The following CDC40 variants were observed in gnomAD, a reference collection of about 807,000 sequenced individuals.
The protein encoded by CDC40 is pre-mRNA-processing factor 17.
Under a neutral mutation model 80.6 loss-of-function variants are expected in CDC40, and 27 were observed. The observed-to-expected ratio is 0.33, with a 90% CI of 0.25 to 0.46. The LOEUF is 0.46. Ranked by LOEUF, CDC40 falls within the 20% of genes least tolerant of loss-of-function variation. CDC40 has a pLI of 1.00. For missense variants in CDC40, 486 were observed against 694.1 expected (o/e 0.70, Z 3.37); for synonymous variants, 221 against 232.6 (o/e 0.95, Z 0.45).
rs1364723427 is a variant in CDC40, at chr6:110,216,420, C to T, written c.988+1089C>T. On this transcript the variant is annotated intron_variant, in intron 9 of 14. Coordinates refer to ENST00000307731, the MANE Select transcript of CDC40 (RefSeq NM_015891.3). Reference sequence around the variant, plus strand: ...AAATTAATACTGCCTAAGATGTCACCGCAGCCTAAAGGAAGACTTGTGGAA... The same window carrying T: ...AAATTAATACTGCCTAAGATGTCACTGCAGCCTAAAGGAAGACTTGTGGAA... 6.6e-5 allele frequency among the ~76,000 whole-genome samples: 10 copies of T among 152,254 alleles called. No individual in the cohort carries two copies. In the South Asian group the frequency reaches 2.1e-3, roughly 32 times the overall value.
intron 2 of CDC40, among the ~76,000 whole-genome samples, chr6:110,199,995 A>T (rs1562201999): frequency 6.6e-6 from 1 of 152,214 alleles, no homozygotes; most frequent in East Asian, 1.9e-4. Flanking sequence ...AATGAAGTTG[A>T]CTGCTACTTC....
chr6:110,209,435 CTT>C, intron 5 of CDC40: 1 of 431,632 alleles, frequency 2.3e-6, no homozygotes, highest in Non-Finnish European at 4.2e-6. Flanking sequence ...TTCTCTCATG[CTT>C]TTTTATTAAA....
intron 12 of CDC40, among the ~76,000 whole-genome samples, chr6:110,222,121 G>C (rs945270399): frequency 1.3e-5 from 2 of 151,982 alleles, no homozygotes; most frequent in Admixed American, 1.3e-4. Flanking sequence ...CTAGTGTGGT[G>C]GCACAGGCCT....
intron 2 of CDC40, among the ~76,000 whole-genome samples, chr6:110,197,928 G>C (rs1777439643): frequency 1.3e-5 from 2 of 152,002 alleles, no homozygotes; most frequent in Admixed American, 1.3e-4. Flanking sequence ...AAAATTGCTG[G>C]GGTCATATGG....
chr6:110,221,865 C>CT lies in CDC40; in HGVS notation c.1340+2013dup, dbSNP rs200106149. Among the ~76,000 whole-genome samples, 949 of 121,238 alleles carry CT rather than the reference C, an allele frequency of 7.8e-3. 7 individuals carry two copies. Among genetic ancestry groups the CT allele is most frequent in the East Asian group, 0.049 (207 of 4,266 alleles). 79.5% of individuals were successfully genotyped at this position (121,238 alleles called of 152,430 possible). ...ACTAGCAGATAATGTTAGTATGTTT[C>CT]TTTTTTTTTTTTTTTTTCATTTCCT... On this transcript the variant is annotated intron_variant, in intron 12 of 14. Coordinates refer to ENST00000307731, the MANE Select transcript of CDC40 (RefSeq NM_015891.3).
At chr6:110,209,043 ATCTC>A in intron 4 of CDC40, 37 bp from the exon 5 acceptor site, 1 of 1,184,188 alleles carries the variant, frequency 8.4e-7, no homozygotes, top group South Asian at 1.5e-5. Flanking sequence ...CATCTTTGTA[ATCTC>A]TCAGTTTTTT....
chr6:110,196,079 A>G (rs145612002), intron 2 of CDC40, among the ~76,000 whole-genome samples: 1 of 152,326 alleles, frequency 6.6e-6, no homozygotes, highest in East Asian at 1.9e-4. Context: ...CATCTCCTTC[A>G]GTCCTCACTA....
At chr6:110,209,317 C>G (rs1045861511) in intron 5 of CDC40, 94 bp downstream of exon 5, 1 of 1,095,358 alleles carries the variant, frequency 9.1e-7, no homozygotes, top group Non-Finnish European at 1.3e-6. Context: ...CTTTAGAGAA[C>G]CAAATGACTC....
At chr6:110,197,541 G>T (rs955922594) in intron 2 of CDC40, among the ~76,000 whole-genome samples, 4 of 151,954 alleles carry the variant, frequency 2.6e-5, no homozygotes, top group African/African-American at 4.8e-5. Context: ...CCTCCTAATT[G>T]AAATTGTACA....
Position 110,219,486 on chromosome 6 carries a change from C to A in CDC40, c.1206+7C>A, listed in dbSNP as rs1777741165. Reference sequence around the variant, plus strand: ...TGATAAGAAGATTGTGCAAGTAAGTCTTTCACAGTATTTTGTTAAGACTCC... The same window carrying A: ...TGATAAGAAGATTGTGCAAGTAAGTATTTCACAGTATTTTGTTAAGACTCC... On this transcript the variant is annotated splice_region_variant and intron_variant, in intron 11 of 14. Coordinates refer to ENST00000307731, the MANE Select transcript of CDC40 (RefSeq NM_015891.3). The A allele has an allele frequency of 5.4e-6, 8 of 1,483,436 alleles. No individual in the cohort carries two copies. In the East Asian group the frequency reaches 1.1e-4, roughly 21 times the overall value. 91.9% of individuals were successfully genotyped at this position (1,483,436 alleles called of 1,614,324 possible). A position where few individuals can be genotyped will look rare whatever the true frequency, so the allele number is the denominator to read the frequency against.
At chr6:110,183,637 A>C (rs1160084458) in intron 1 of CDC40, among the ~76,000 whole-genome samples, 1 of 152,206 alleles carries the variant, frequency 6.6e-6, no homozygotes, top group East Asian at 1.9e-4. Context: ...AAATATAATG[A>C]TTGCAAATGA....
rs150965916 is a variant in CDC40, at chr6:110,194,885, A to G, written c.276+1617A>G. 9.8e-5 allele frequency among the ~76,000 whole-genome samples: 15 copies of G among 152,314 alleles called. No individual in the cohort carries two copies. In the East Asian group the frequency reaches 2.9e-3, roughly 29 times the overall value. On this transcript the variant is annotated intron_variant, in intron 2 of 14. Coordinates refer to ENST00000307731, the MANE Select transcript of CDC40 (RefSeq NM_015891.3). ...TACATTGCTGTGTAATTAGTTTCCAAACTTTCAAGAAAAATTTAAAAGACC... is the reference window on the plus strand; with the variant it reads ...TACATTGCTGTGTAATTAGTTTCCAGACTTTCAAGAAAAATTTAAAAGACC...
At chr6:110,207,693 TTTTTTTTA>T in intron 4 of CDC40, 104 bp downstream of exon 4, 1 of 671,992 alleles carries the variant, frequency 1.5e-6, no homozygotes, top group Non-Finnish European at 2.7e-6. Context: ...TTTAGCGCTT[TTTTTTTTA>T]AAGTTGAAAC....
chr6:110,229,028 CTGT>C (rs751256485), intron 14 of CDC40, 52 bp downstream of exon 14: 10 of 1,391,926 alleles, frequency 7.2e-6, no homozygotes, highest in Middle Eastern at 1.9e-4. Flanking sequence ...ATTATATAAA[CTGT>C]TGTTGTACAA....
intron 2 of CDC40, among the ~76,000 whole-genome samples, chr6:110,198,545 A>T (rs1777449495): frequency 6.6e-6 from 1 of 152,056 alleles, no homozygotes. Context: ...TTTTTAATTG[A>T]GTTATTTATT....
intron 4 of CDC40, among the ~76,000 whole-genome samples, chr6:110,207,800 A>G (rs28450902): frequency 1.9e-3 from 288 of 152,332 alleles, no homozygotes; most frequent in African/African-American, 6.4e-3. Context: ...GGAATCTTGT[A>G]GGGAAAATAA....
intron 12 of CDC40, among the ~76,000 whole-genome samples, chr6:110,224,104 T>TA (rs1406982885): frequency 6.6e-6 from 1 of 152,172 alleles, no homozygotes; most frequent in Non-Finnish European, 1.5e-5. Flanking sequence ...GTGCTGGGAT[T>TA]ACACTGCACC....
At chr6:110,226,860 A>C (rs1777868999) in intron 13 of CDC40, among the ~76,000 whole-genome samples, 1 of 152,138 alleles carries the variant, frequency 6.6e-6, no homozygotes, top group Non-Finnish European at 1.5e-5. Flanking sequence ...CTACAAAATA[A>C]AATTTTAAAA....
At chr6:110,224,742 A>G (rs184203052) in intron 12 of CDC40, among the ~76,000 whole-genome samples, 3 of 152,356 alleles carry the variant, frequency 2.0e-5, no homozygotes, top group Non-Finnish European at 4.4e-5. Flanking sequence ...GCTAGAAATA[A>G]TGAAGTCCAC....
Sources: allele counts gnomAD v4.1 joint callset (sites outside exome capture counted in the v4.1 genomes callset), GRCh38; gene constraint gnomAD v4.1.1; transcripts MANE v1.5; gene names NCBI Gene and HGNC (gene_info 2026-07-23, HGNC 2026-07-21).